CUX1: variants seen among roughly 807,000 people sequenced by gnomAD.
The protein encoded by CUX1 is cut like homeobox 1.
In CUX1, 31 loss-of-function variants were observed where a neutral mutation model predicts 158.8. The observed-to-expected ratio is 0.20, with a 90% CI of 0.15 to 0.26. The LOEUF (loss-of-function observed/expected upper bound fraction) is 0.26, where lower values mean the gene tolerates loss of function less well. Ranked by LOEUF, CUX1 falls within the 10% of genes least tolerant of loss-of-function variation. The pLI is 1.00. For missense variants in CUX1, 1,589 were observed against 2,014.6 expected, an observed-to-expected ratio of 0.79 and a Z score of 4.04; for synonymous variants, 879 against 862.1, an observed-to-expected ratio of 1.02 and a Z score of -0.34.
chr7:102,125,643 C>T (rs1383595236), intron 8 of CUX1: 1 of 148,630 alleles, frequency 6.7e-6, no homozygotes, highest in Non-Finnish European at 1.5e-5. Context: ...GGAATACTCC[C>T]GAGATCGCAC....
At chr7:102,135,873 G>T (rs1179000791) in intron 8 of CUX1, among the ~76,000 whole-genome samples, 1 of 151,864 alleles carries the variant, frequency 6.6e-6, no homozygotes, top group Non-Finnish European at 1.5e-5. Context: ...TACTTGGGAG[G>T]CTGAGGCAGG....
At chr7:102,055,891 C>T (rs1824069042) in intron 3 of CUX1, among the ~76,000 whole-genome samples, 1 of 152,174 alleles carries the variant, frequency 6.6e-6, no homozygotes, top group South Asian at 2.1e-4. Flanking sequence ...CTCCAGTGAA[C>T]ACATGAATGA....
At position 102,256,821 on chromosome 7, in the gene CUX1, T is replaced by A; in HGVS notation, c.*7779T>A. The A allele has an allele frequency of 1.0e-6, 1 of 985,216 alleles. No homozygotes were observed. The allele number at this position is 985,216 out of a possible 1,614,324, so 61.0% of individuals were successfully genotyped here. ...AAGACTTTACCTCCAAGCGAGAGAGTGATTTCTTGCAAGGCCCGCATGGGT... is the reference window on the plus strand; with the variant it reads ...AAGACTTTACCTCCAAGCGAGAGAGAGATTTCTTGCAAGGCCCGCATGGGT... On this transcript the variant is annotated 3_prime_UTR_variant, in exon 24 of 24. Coordinates refer to ENST00000292535, the MANE Select transcript of CUX1 (RefSeq NM_181552.4).
chr7:102,263,616 G>A (rs1249274900), intron 14 of CUX1, among the ~76,000 whole-genome samples: 4 of 150,974 alleles, frequency 2.6e-5, no homozygotes, highest in Admixed American at 6.6e-5. Context: ...GCGCCCAGCC[G>A]AAAGGGGTTA....
intron 8 of CUX1, among the ~76,000 whole-genome samples, chr7:102,149,704 G>A (rs781976178): frequency 2.4e-4 from 36 of 152,136 alleles, no homozygotes; most frequent in Non-Finnish European, 4.3e-4. Flanking sequence ...GCCCTTCTCC[G>A]TAAGTTCAGG....
At chr7:101,830,371 C>T (rs751171009) in intron 1 of CUX1, among the ~76,000 whole-genome samples, 6 of 152,204 alleles carry the variant, frequency 3.9e-5, no homozygotes, top group Non-Finnish European at 4.4e-5. Context: ...CTGGTCACAG[C>T]GACATCCCTG....
rs192198134 is a variant in CUX1, at chr7:102,050,601, T to G, written c.190-19738T>G. Among the ~76,000 whole-genome samples, 38 of 152,256 alleles carry G rather than the reference T, an allele frequency of 2.5e-4. No homozygotes were observed. The East Asian group carries it at 6.4e-3, about 26-fold the overall frequency. On this transcript the variant is annotated intron_variant, in intron 3 of 23. Transcript: ENST00000292535. ...ACACAGGCACCTGCGTATGCCCCAT[T>G]TCGGGAGAGGTAACCAGCCCCTAGT...
chr7:102,059,560 A>C (rs1032812438), intron 3 of CUX1, among the ~76,000 whole-genome samples: 1 of 145,016 alleles, frequency 6.9e-6, no homozygotes, highest in Non-Finnish European at 1.5e-5. Context: ...TGAACCCGGG[A>C]GGTGGAGGTT....
At chr7:102,113,980 G>C (rs1325555758) in intron 7 of CUX1, among the ~76,000 whole-genome samples, 1 of 152,196 alleles carries the variant, frequency 6.6e-6, no homozygotes, top group African/African-American at 2.4e-5. Context: ...CATGGAAGGA[G>C]CCTCTTGGGA....
At chr7:101,917,755 C>T (rs961882862) in intron 2 of CUX1, among the ~76,000 whole-genome samples, 2 of 152,140 alleles carry the variant, frequency 1.3e-5, no homozygotes, top group African/African-American at 4.8e-5. Context: ...CTCTTAGTGC[C>T]GTTCCTGTAG....
chr7:102,046,210 C>T (rs940443638), intron 3 of CUX1, among the ~76,000 whole-genome samples: 1 of 152,116 alleles, frequency 6.6e-6, no homozygotes, highest in Non-Finnish European at 1.5e-5. Flanking sequence ...GCTGGCACCC[C>T]GGGAAACCCC....
rs529993035 is a variant in CUX1, at chr7:102,255,739, CAA to C, written c.*6698_*6699del. On this transcript the variant is annotated 3_prime_UTR_variant, in exon 24 of 24. Coordinates refer to ENST00000292535, the MANE Select transcript of CUX1 (RefSeq NM_181552.4). ...AGCATTGGGACTTCTGCTGGTGAAA[CAA>C]GAGACCATTCAGCAAGACACATTGA... The C allele has an allele frequency of 5.5e-4, 541 of 985,378 alleles. 2 individuals are homozygous for C. The African/African-American group carries it at 6.9e-3, about 13-fold the overall frequency. The allele number at this position is 985,378 out of a possible 1,614,324, so 61.0% of individuals were successfully genotyped here. A position where few individuals can be genotyped will look rare whatever the true frequency, so the allele number is the denominator to read the frequency against.
chr7:102,189,368 G>C (rs1332890625), intron 11 of CUX1, among the ~76,000 whole-genome samples: 2 of 143,834 alleles, frequency 1.4e-5, no homozygotes, highest in African/African-American at 2.7e-5. Context: ...TTGGGTGCGG[G>C]GGGGGATGCT....
intron 1 of CUX1, among the ~76,000 whole-genome samples, chr7:101,909,118 G>A (rs182177073): frequency 9.9e-5 from 15 of 151,970 alleles, no homozygotes; most frequent in South Asian, 4.2e-4. Flanking sequence ...AGGCTGAGGC[G>A]GGAGGATCGC....
chr7:101,934,451 T>C (rs1806682848), intron 2 of CUX1, among the ~76,000 whole-genome samples: 1 of 152,224 alleles, frequency 6.6e-6, no homozygotes, highest in Non-Finnish European at 1.5e-5. Context: ...GCCTCTTCTA[T>C]TTCTGTGTTT....
At chr7:102,129,786 G>A (rs1031912967) in intron 8 of CUX1, among the ~76,000 whole-genome samples, 4 of 152,114 alleles carry the variant, frequency 2.6e-5, no homozygotes, top group Admixed American at 6.6e-5. Flanking sequence ...CAAGTTGTTC[G>A]GTCCCCGCCC....
intron 1 of CUX1, among the ~76,000 whole-genome samples, chr7:101,900,872 C>T (rs1179871730): frequency 1.3e-5 from 2 of 152,168 alleles, no homozygotes; most frequent in Non-Finnish European, 2.9e-5. Context: ...CCATCCGAAC[C>T]CCAGAGCATA....
At chr7:102,205,047 T>C (rs1795809289) in intron 19 of CUX1, 67 bp from the exon 20 acceptor site, 13 of 1,149,036 alleles carry the variant, frequency 1.1e-5, no homozygotes, top group Non-Finnish European at 1.7e-5. Context: ...CCTTGCCACA[T>C]TCAGTTAGGA....
intron 3 of CUX1, among the ~76,000 whole-genome samples, chr7:102,030,557 A>G (rs115834405): frequency 1.1e-4 from 16 of 152,192 alleles, no homozygotes; most frequent in African/African-American, 3.9e-4. Context: ...GTCATCTCAT[A>G]TTTGATCCAA....
Sources: gnomAD v4.1 joint callset for allele counts (sites outside exome capture counted in the v4.1 genomes callset) on GRCh38, gnomAD v4.1.1 for gene constraint, MANE v1.5 for transcripts, NCBI Gene and HGNC (gene_info 2026-07-23, HGNC 2026-07-21) for gene names.